Variants in FOXP1 observed in about 807,000 individuals in gnomAD.
The protein encoded by FOXP1 is forkhead box P1, also known as forkhead box protein P1.
Under a neutral mutation model 98.2 loss-of-function variants are expected in FOXP1, and 15 were observed. That is an observed-to-expected ratio of 0.15 (90% CI 0.10 to 0.24). The LOEUF (loss-of-function observed/expected upper bound fraction) is 0.24. FOXP1 is among the 10% of genes least tolerant of loss of function. The pLI is 1.00. For synonymous variants in FOXP1, 371 were observed against 314.5 expected, an observed-to-expected ratio of 1.18 and a Z score of -1.90; for missense variants, 633 against 848.5, an observed-to-expected ratio of 0.75 and a Z score of 3.15.
chr3:71,085,734 C>CTTTTTTTTTTTTTT (rs1442095039), intron 7 of FOXP1, among the ~76,000 whole-genome samples: 1 of 3,136 alleles, frequency 3.2e-4, no homozygotes, highest in Non-Finnish European at 9.2e-4. Flanking sequence ...TCATTTATGG[C>CTTTTTTTTTTTTTT]CTTTTTTTTT....
intron 3 of FOXP1, among the ~76,000 whole-genome samples, chr3:71,465,541 G>A (rs184446660): frequency 5.1e-4 from 77 of 152,170 alleles, no homozygotes; most frequent in Admixed American, 2.3e-3. Context: ...CCTTGTGCAC[G>A]TCCCACAGCC....
chr3:71,561,608 A>T (rs1392759193), intron 2 of FOXP1, among the ~76,000 whole-genome samples: 1 of 152,194 alleles, frequency 6.6e-6, no homozygotes, highest in Non-Finnish European at 1.5e-5. Flanking sequence ...GGTTGCTGTC[A>T]GGATAGAATG....
rs764184272 is a variant in FOXP1 at position 70,977,837 on chromosome 3, T to C, written c.1339A>G (p.Ile447Val). Residue 447 changes from isoleucine to valine, a missense_variant, in exon 15 of 21, where the codon ATT becomes GTT. By Grantham distance (29) the Ile-to-Val change is conservative. Around this residue, in one of 6 missense-constraint regions of FOXP1, gnomAD observed 141 missense variants for 199.5 expected, o/e 0.71. Transcript: ENST00000649528. Reference sequence around the variant, plus strand: ...AAGGTGGAGTATCTACCTGACGAAATGGGCACGTTGTATTTGTCTGAGTAC... The same window carrying C: ...AAGGTGGAGTATCTACCTGACGAAACGGGCACGTTGTATTTGTCTGAGTAC... Reference protein sequence around the residue: ...RRYSDKYNVPISSADIAQNQE... With the variant: ...RRYSDKYNVPVSSADIAQNQE... 3 of 1,614,072 alleles carry C rather than the reference T, an allele frequency of 1.9e-6. No individual in the cohort carries two copies. The highest frequency in any genetic ancestry group is 2.2e-5 in the East Asian group (1 of 44,868).
chr3:71,024,363 C>T (rs1359935248), intron 11 of FOXP1, among the ~76,000 whole-genome samples: 2 of 152,172 alleles, frequency 1.3e-5, no homozygotes, highest in Non-Finnish European at 2.9e-5. Context: ...TTAATTTTCA[C>T]TTCTCACTCA....
chr3:71,028,610 C>T (rs1287122781), intron 11 of FOXP1, among the ~76,000 whole-genome samples: 8 of 152,222 alleles, frequency 5.3e-5, no homozygotes, highest in Admixed American at 5.2e-4. Flanking sequence ...GCACCAGGGA[C>T]TGGTTTCATG....
intron 2 of FOXP1, among the ~76,000 whole-genome samples, chr3:71,526,757 C>A (rs986601711): frequency 5.3e-5 from 8 of 152,022 alleles, no homozygotes; most frequent in African/African-American, 7.2e-5. Context: ...CACCCAAGGT[C>A]GGGAGTTAGA....
chr3:71,173,621 G>A (rs780272119), intron 6 of FOXP1, among the ~76,000 whole-genome samples: 1 of 152,088 alleles, frequency 6.6e-6, no homozygotes, highest in Non-Finnish European at 1.5e-5. Flanking sequence ...TGAGGGTGGG[G>A]GTGTGGGTGA....
intron 3 of FOXP1, among the ~76,000 whole-genome samples, chr3:71,412,744 A>T (rs564922637): frequency 1.3e-5 from 2 of 152,136 alleles, no homozygotes; most frequent in Non-Finnish European, 2.9e-5. Context: ...TCCACCACTG[A>T]CTTACCCCCA....
At chr3:71,484,069 T>C (rs1258033608) in intron 3 of FOXP1, among the ~76,000 whole-genome samples, 1 of 152,230 alleles carries the variant, frequency 6.6e-6, no homozygotes, top group Non-Finnish European at 1.5e-5. Flanking sequence ...ACTACCCTGA[T>C]ACCTTTTTAA....
intron 19 of FOXP1, chr3:70,966,346 ATATGAGGTT>A: frequency 4.6e-6 from 2 of 435,722 alleles, no homozygotes; most frequent in South Asian, 2.2e-5. Flanking sequence ...GGGCTTTCGA[ATATGAGGTT>A]TATGTCGGAT....
intron 3 of FOXP1, among the ~76,000 whole-genome samples, chr3:71,491,429 A>T (rs759220157): frequency 4.1e-4 from 63 of 152,368 alleles, no homozygotes; most frequent in Non-Finnish European, 6.2e-4. Context: ...GGGTGAGAGA[A>T]CCGAACAACT....
At chr3:71,349,598 C>T (rs1007677104) in intron 4 of FOXP1, among the ~76,000 whole-genome samples, 83 of 151,770 alleles carry the variant, frequency 5.5e-4, no homozygotes, top group African/African-American at 1.8e-3. Context: ...ATCTCACCAT[C>T]TTTAATATCT....
At chr3:70,976,593 G>A (rs1430762205) in intron 17 of FOXP1, among the ~76,000 whole-genome samples, 1 of 152,096 alleles carries the variant, frequency 6.6e-6, no homozygotes, top group Non-Finnish European at 1.5e-5. Flanking sequence ...TGCAAATATC[G>A]GCTGTGGCTG....
chr3:71,273,503 G>A (rs992254653), intron 5 of FOXP1, among the ~76,000 whole-genome samples: 2 of 152,138 alleles, frequency 1.3e-5, no homozygotes, highest in Non-Finnish European at 1.5e-5. Flanking sequence ...GTGTTTTCTA[G>A]CACAAAAGTT....
intron 20 of FOXP1, among the ~76,000 whole-genome samples, chr3:70,961,381 C>T (rs2033447505): frequency 6.6e-6 from 1 of 152,004 alleles, no homozygotes; most frequent in Non-Finnish European, 1.5e-5. Context: ...CAGGGGCCCA[C>T]CACCACACCT....
chr3:71,574,763 G>A (rs988196775), intron 2 of FOXP1, among the ~76,000 whole-genome samples: 5 of 152,102 alleles, frequency 3.3e-5, no homozygotes. Context: ...CATGGATGCA[G>A]GCAAGACAAA....
intron 11 of FOXP1, among the ~76,000 whole-genome samples, chr3:71,030,711 C>T (rs1559764221): frequency 1.3e-5 from 2 of 152,204 alleles, no homozygotes; most frequent in Non-Finnish European, 2.9e-5. Context: ...GACAACTTCC[C>T]ATTTATCCTT....
chr3:71,343,619 G>T (rs2077147819), intron 4 of FOXP1, among the ~76,000 whole-genome samples: 1 of 146,496 alleles, frequency 6.8e-6, no homozygotes, highest in Admixed American at 6.9e-5. Flanking sequence ...ACAGTGGAGT[G>T]ATCTCGGCTC....
intron 2 of FOXP1, chr3:71,574,161 C>G (rs954631597): frequency 2.6e-5 from 4 of 152,038 alleles, no homozygotes; most frequent in African/African-American, 9.7e-5. Flanking sequence ...TTTTATTAGA[C>G]GAATATCCCC....
Sources: allele counts gnomAD v4.1 joint callset (sites outside exome capture counted in the v4.1 genomes callset), GRCh38; gene constraint gnomAD v4.1.1; regional missense constraint gnomAD v4.1.1; transcripts MANE v1.5; gene names NCBI Gene and HGNC (gene_info 2026-07-23, HGNC 2026-07-21).